The following EML5 variants were observed in gnomAD, a reference collection of about 807,000 sequenced individuals.
EML5 encodes EMAP like 5, also known as echinoderm microtubule-associated protein-like 5.
In EML5, 120 loss-of-function variants were observed where a neutral mutation model predicts 250.0. The observed-to-expected ratio is 0.48, with a 90% CI of 0.41 to 0.56. The LOEUF is 0.56. Ranked by LOEUF, EML5 falls within the 20% of genes least tolerant of loss-of-function variation. The pLI is 0.00. For missense variants in EML5, 2,006 were observed against 2,437.6 expected, an observed-to-expected ratio of 0.82 and a Z score of 3.73; for synonymous variants, 771 against 806.5, an observed-to-expected ratio of 0.96 and a Z score of 0.75.
intron 2 of EML5, among the ~76,000 whole-genome samples, chr14:88,748,857 A>G (rs1440265976): frequency 6.6e-6 from 1 of 152,050 alleles, no homozygotes; most frequent in Admixed American, 6.6e-5. Flanking sequence ...TTGAAGACAC[A>G]GCAATAGAAC....
intron 36 of EML5, 174 bp downstream of exon 36, chr14:88,624,796 G>T: frequency 1.4e-6 from 1 of 731,678 alleles, no homozygotes; most frequent in Non-Finnish European, 2.1e-6. Flanking sequence ...AGTGAATTAA[G>T]ACCAGAAATG....
In EML5 at chr14:88,728,679, A is replaced by G. The variant is rs1301657363; in HGVS notation, c.1050-2001T>C. 3.3e-5 allele frequency among the ~76,000 whole-genome samples: 5 copies of G among 152,254 alleles called. No individual in the cohort carries two copies. In the East Asian group the frequency reaches 9.7e-4, roughly 29 times the overall value. ...TCAGGGGTGGCAGAGGTGGAAGAAA[A>G]TCCACCTATAAGTGGACCCATGCAG... is the stretch of plus-strand genomic sequence containing the variant. On this transcript the variant is annotated intron_variant, in intron 7 of 43. Coordinates refer to ENST00000554922, the MANE Select transcript of EML5 (RefSeq NM_183387.3).
chr14:88,672,636 A>G (rs7400729), intron 21 of EML5, among the ~76,000 whole-genome samples: 26,197 of 152,006 alleles, frequency 0.17, 2,806 homozygotes, highest in East Asian at 0.47. Flanking sequence ...AAATTAATAA[A>G]ATAGATCATT....
chr14:88,691,686 T>G (rs1205207363), intron 17 of EML5, among the ~76,000 whole-genome samples: 1 of 152,228 alleles, frequency 6.6e-6, no homozygotes, highest in African/African-American at 2.4e-5. Flanking sequence ...ACCTCAAGCC[T>G]AAGTCATCTC....
chr14:88,616,680 C>G, intron 42 of EML5, 46 bp downstream of exon 42: 1 of 1,548,796 alleles, frequency 6.5e-7, no homozygotes, highest in Admixed American at 1.9e-5. Flanking sequence ...GATAAGACAT[C>G]AAAATTAGGA....
At chr14:88,678,676 C>G (rs1204383660) in intron 21 of EML5, among the ~76,000 whole-genome samples, 2 of 152,062 alleles carry the variant, frequency 1.3e-5, no homozygotes, top group African/African-American at 2.4e-5. Flanking sequence ...TCATTAGCAT[C>G]CAGAGTAAAC....
intron 15 of EML5, among the ~76,000 whole-genome samples, chr14:88,696,584 G>A (rs7142601): frequency 0.18 from 26,611 of 152,032 alleles, 3,153 homozygotes; most frequent in African/African-American, 0.33. Flanking sequence ...AATTTAGGTT[G>A]TTACGTAGAT....
intron 23 of EML5, 116 bp from the exon 24 acceptor site, chr14:88,663,235 T>C: frequency 1.8e-6 from 1 of 558,272 alleles, no homozygotes; most frequent in South Asian, 3.9e-5. Flanking sequence ...AAAACCATTT[T>C]CTGCTGCAGT....
chr14:88,736,390 C>A lies in EML5; in HGVS notation c.1023G>T (p.Val341=). 6.2e-7 allele frequency: 1 copy of A among 1,614,004 alleles called. No homozygotes were observed. The highest frequency in any genetic ancestry group is 2.2e-5 in the East Asian group (1 of 44,882). The change falls in exon 7 of 44, where the codon GTG becomes GTT. Residue 341 remains valine, a synonymous_variant. Transcript: ENST00000554922. ...TGACCGAACGATCATCACTTCCAGT[C>A]ACAGCCAAAGGTTTAGTAGGATGGA... ...LAVHPTKPLA[V]TGSDDRSVRI...
Position 88,661,765 on chromosome 14 carries a change from T to C in EML5, c.3564A>G (p.Pro1188=), listed in dbSNP as rs377761750. 38 of 1,613,664 alleles carry C rather than the reference T, an allele frequency of 2.4e-5. No individual in the cohort carries two copies. In the East Asian group the frequency reaches 8.0e-4, roughly 34 times the overall value. The stretch of plus-strand genomic sequence containing the variant: ...TTACATCTGTAACTTCTCCAATTAC[T>C]GGCCAAATTCCTTCACAGCATAAAC... ...VLGLCCEGIW[P]VIGEVTDVTA... Residue 1188 remains proline, a synonymous_variant, in exon 25 of 44, where the codon CCA becomes CCG. Transcript: ENST00000554922.
chr14:88,691,156 TCAGAAGGTTGGGCTCTCCAGGAA>T (rs756372704), intron 17 of EML5, among the ~76,000 whole-genome samples: 5 of 152,060 alleles, frequency 3.3e-5, no homozygotes, highest in Non-Finnish European at 7.4e-5. Flanking sequence ...CTGCCCAAAT[TCAGAAGGTTGGGCTCTCCAGGAA>T]CAGAAGGACA....
chr14:88,745,034 A>T (rs2140288330), intron 3 of EML5, among the ~76,000 whole-genome samples: 1 of 152,270 alleles, frequency 6.6e-6, no homozygotes, highest in African/African-American at 2.4e-5. Context: ...TGACAGTGTC[A>T]TATTTTGTAA....
intron 32 of EML5, among the ~76,000 whole-genome samples, chr14:88,636,277 G>A (rs2090721592): frequency 6.6e-6 from 1 of 152,176 alleles, no homozygotes; most frequent in African/African-American, 2.4e-5. Flanking sequence ...CAGTGGAGAA[G>A]TAGGCTCCCC....
chr14:88,727,515 C>T (rs1327565305), intron 7 of EML5, among the ~76,000 whole-genome samples: 16 of 151,350 alleles, frequency 1.1e-4, no homozygotes, highest in African/African-American at 3.7e-4. Flanking sequence ...AATTCTCCTG[C>T]CTCAGCCTCC....
chr14:88,713,082 C>T (rs74752397), intron 9 of EML5, among the ~76,000 whole-genome samples: 8,926 of 152,038 alleles, frequency 0.059, 702 homozygotes, highest in African/African-American at 0.17. Context: ...ATTCCCTAAG[C>T]GTCACAACAA....
At chr14:88,686,657 G>C (rs1215870646) in intron 19 of EML5, among the ~76,000 whole-genome samples, 1 of 152,058 alleles carries the variant, frequency 6.6e-6, no homozygotes, top group Non-Finnish European at 1.5e-5. Flanking sequence ...ACAAAAATTT[G>C]AAAATTTGCT....
intron 7 of EML5, among the ~76,000 whole-genome samples, chr14:88,730,975 T>A (rs957621085): frequency 6.6e-6 from 1 of 152,158 alleles, no homozygotes; most frequent in East Asian, 1.9e-4. Context: ...ACCAATAGCA[T>A]TAATGGTGAA....
At chr14:88,677,461 T>C (rs1307559033) in intron 21 of EML5, among the ~76,000 whole-genome samples, 1 of 152,200 alleles carries the variant, frequency 6.6e-6, no homozygotes, top group Non-Finnish European at 1.5e-5. Context: ...TGGGATCTAA[T>C]TAAACTGAAG....
chr14:88,748,580 T>C (rs2094042876), intron 2 of EML5, among the ~76,000 whole-genome samples: 1 of 152,102 alleles, frequency 6.6e-6, no homozygotes, highest in African/African-American at 2.4e-5. Context: ...ATAATAAAAT[T>C]ACAGGTATGT....
Sources: allele counts gnomAD v4.1 joint callset (sites outside exome capture counted in the v4.1 genomes callset), GRCh38; gene constraint gnomAD v4.1.1; transcripts MANE v1.5; gene names NCBI Gene and HGNC (gene_info 2026-07-23, HGNC 2026-07-21).